Variants in SNX19 observed in about 807,000 individuals in gnomAD.
SNX19 encodes the protein sorting nexin 19, also known as sorting nexin-19.
SNX19 carries 60 observed loss-of-function variants against 85.2 expected under a neutral mutation model. The observed-to-expected ratio is 0.70, with a 90% confidence interval of 0.57 to 0.87. The LOEUF (loss-of-function observed/expected upper bound fraction) is 0.87, where lower values mean the gene tolerates loss of function less well. SNX19 is among the 40% of genes least tolerant of loss of function. The pLI, the probability that SNX19 is intolerant of heterozygous loss-of-function variation, is 0.00. For synonymous variants in SNX19, 520 were observed against 470.0 expected (o/e 1.11, Z -1.38); for missense variants, 1,201 against 1,217.8 (o/e 0.99, Z 0.21).
chr11:130,905,351 G>A (rs567788527), intron 7 of SNX19, among the ~76,000 whole-genome samples: 2 of 89,892 alleles, frequency 2.2e-5, no homozygotes, highest in African/African-American at 7.1e-5. Flanking sequence ...TAGATCTGGG[G>A]AAAAAAGACA....
rs1475264749 is a variant in SNX19 at position 130,870,072 on chromosome 11, C to T, written c.*8350G>A. 6 of 152,094 alleles carry T rather than the reference C, an allele frequency of 3.9e-5. No homozygotes were observed. The highest frequency in any genetic ancestry group is 7.4e-5 in the Non-Finnish European group (5 of 68,020). The allele number at this position is 152,094 out of a possible 1,614,324, so 9.4% of individuals were successfully genotyped here. A position where few individuals can be genotyped will look rare whatever the true frequency, so the allele number is the denominator to read the frequency against. ...ATAGAGAAGCAATTGGGTGAGGCTC[C>T]CTGCTAGATGAAGAAAACTTCTATC... On this transcript the variant is annotated 3_prime_UTR_variant, in exon 11 of 11. Transcript: ENST00000265909.
Position 130,870,443 on chromosome 11 carries a change from T to C in SNX19, c.*7979A>G, listed in dbSNP as rs1942977052. Reference sequence around the variant, plus strand: ...AGCCTCTGATGAAACATTTGAGTAATGGATTTCTTTACCTCACCTAAACAG... The same window carrying C: ...AGCCTCTGATGAAACATTTGAGTAACGGATTTCTTTACCTCACCTAAACAG... On this transcript the variant is annotated 3_prime_UTR_variant, in exon 11 of 11. Transcript: ENST00000265909. 1.3e-5 allele frequency among the ~76,000 whole-genome samples: 2 copies of C among 152,344 alleles called. No homozygotes were observed. The highest frequency in any genetic ancestry group is 4.1e-4 in the South Asian group (2 of 4,826).
At chr11:130,880,830 C>T (rs753479372) in intron 8 of SNX19, 24 bp from the exon 9 acceptor site, 1 of 1,522,380 alleles carries the variant, frequency 6.6e-7, no homozygotes, top group Non-Finnish European at 8.9e-7. Flanking sequence ...GAGACGAAAG[C>T]TTAGATAAAG....
In SNX19 at chr11:130,867,460, A is replaced by G. The variant is rs1277261598; in HGVS notation, c.*10962T>C. On this transcript the variant is annotated 3_prime_UTR_variant, in exon 11 of 11. Coordinates refer to ENST00000265909, the MANE Select transcript of SNX19 (RefSeq NM_014758.3). The stretch of plus-strand genomic sequence containing the variant: ...TGAGCAGGCTCTTGGACTCCATGAA[A>G]ATTTAAGGATGTGGCTTCTTTTTCA... 6.6e-6 allele frequency: 1 copy of G among 152,198 alleles called. No individual in the cohort carries two copies. Among genetic ancestry groups the G allele is most frequent in the Non-Finnish European group, 1.5e-5 (1 of 68,038 alleles). 9.4% of individuals were successfully genotyped at this position (152,198 alleles called of 1,614,324 possible). A position where few individuals can be genotyped will look rare whatever the true frequency, so the allele number is the denominator to read the frequency against.
chr11:130,874,430 G>A lies in SNX19; in HGVS notation c.*3992C>T, dbSNP rs2135256632. On this transcript the variant is annotated 3_prime_UTR_variant, in exon 11 of 11. Transcript: ENST00000265909. ...TATGAATGTTATCTCTGGGTGTGATGCCTGAAACTGCAGCAGCAGGAAGGC... is the reference window on the plus strand; with the variant it reads ...TATGAATGTTATCTCTGGGTGTGATACCTGAAACTGCAGCAGCAGGAAGGC... Among the ~76,000 whole-genome samples the A allele has an allele frequency of 6.6e-6, 1 of 152,318 alleles. No individual in the cohort carries two copies. The highest frequency in any genetic ancestry group is 1.9e-4 in the East Asian group (1 of 5,192).
At chr11:130,891,545 A>G (rs1420106325) in intron 8 of SNX19, among the ~76,000 whole-genome samples, 1 of 152,220 alleles carries the variant, frequency 6.6e-6, no homozygotes, top group Non-Finnish European at 1.5e-5. Flanking sequence ...GGGGGTTATG[A>G]GGACTATGAG....
chr11:130,903,186 T>C (rs1316747566), intron 8 of SNX19, 69 bp downstream of exon 8: 2 of 1,597,672 alleles, frequency 1.3e-6, no homozygotes, highest in African/African-American at 2.7e-5. Flanking sequence ...CCCTGGACAC[T>C]ATTCAGCATC....
intron 4 of SNX19, among the ~76,000 whole-genome samples, chr11:130,909,736 C>T (rs1234307431): frequency 6.6e-6 from 1 of 152,164 alleles, no homozygotes; most frequent in Admixed American, 6.5e-5. Flanking sequence ...CACATGCCTC[C>T]AACAGTACAA....
intron 8 of SNX19, 182 bp from the exon 9 acceptor site, chr11:130,880,988 C>A: frequency 2.4e-6 from 1 of 424,746 alleles, no homozygotes; most frequent in Non-Finnish European, 4.2e-6. Flanking sequence ...AGGTAAATGC[C>A]CTTATAAAAG....
intron 8 of SNX19, among the ~76,000 whole-genome samples, chr11:130,902,136 G>A (rs1945300248): frequency 1.3e-5 from 2 of 152,194 alleles, no homozygotes; most frequent in South Asian, 2.1e-4. Context: ...TACTAATGAC[G>A]ACCTTGGGCA....
intron 8 of SNX19, chr11:130,901,694 A>T (rs1430241454): frequency 1.3e-5 from 2 of 152,210 alleles, no homozygotes; most frequent in Non-Finnish European, 2.9e-5. Flanking sequence ...TATTTTAAAC[A>T]GAGTGGAGCC....
At chr11:130,893,559 A>C (rs10894277) in intron 8 of SNX19, among the ~76,000 whole-genome samples, 90,873 of 151,828 alleles carry the variant, frequency 0.6, 27,616 homozygotes, top group South Asian at 0.73. Flanking sequence ...ACAGGCTGAA[A>C]TGTAAAACCT....
At position 130,915,181 on chromosome 11, in the gene SNX19, C is replaced by G. The variant is rs1480255037; in HGVS notation, c.759G>C (p.Arg253Ser). The change falls in exon 1 of 11, where the codon AGG becomes AGC. Residue 253 changes from arginine to serine, a missense_variant. Physicochemically the swap from Arg to Ser is moderately radical, Grantham distance 110. Coordinates refer to ENST00000265909, the MANE Select transcript of SNX19 (RefSeq NM_014758.3). ...TCNVILPLIS[R>S]LSDPDWIHLV... is the part of the protein sequence containing the mutation. ...GGTGGATCCAGTCAGGATCTGACAG[C>G]CTGCTGATCAGTGGTAAGATTACAT... 6.2e-7 allele frequency: 1 copy of G among 1,614,210 alleles called. No individual in the cohort carries two copies. The highest frequency in any genetic ancestry group is 8.5e-7 in the Non-Finnish European group (1 of 1,180,038).
At position 130,915,634 on chromosome 11, in the gene SNX19, G is replaced by C; in HGVS notation, c.306C>G (p.Ile102Met). The C allele has an allele frequency of 1.2e-6, 2 of 1,614,246 alleles. No individual in the cohort carries two copies. Among genetic ancestry groups the C allele is most frequent in the Non-Finnish European group, 1.7e-6 (2 of 1,180,040 alleles). ...GAATAATCATCTGGATGGTGCGGTTGATCTCCCGTTCCAGCTGCCTTTCTG... is the reference window on the plus strand; with the variant it reads ...GAATAATCATCTGGATGGTGCGGTTCATCTCCCGTTCCAGCTGCCTTTCTG... ...PEAERQLERE[I>M]NRTIQMIIRD... The change falls in exon 1 of 11, where the codon ATC becomes ATG. Residue 102 changes from isoleucine (I) to methionine (M), a missense_variant. This residue lies in a region of SNX19 where 791 missense variants were observed against 750.9 expected (regional missense o/e 1.05). Transcript: ENST00000265909.
intron 8 of SNX19, 128 bp downstream of exon 8, chr11:130,903,127 C>T: frequency 7.5e-7 from 1 of 1,335,796 alleles, no homozygotes; most frequent in Admixed American, 2.1e-5. Flanking sequence ...ATTTTTCATC[C>T]CTGTAACCCC....
chr11:130,887,783 G>A (rs1490077947), intron 8 of SNX19, among the ~76,000 whole-genome samples: 3 of 152,004 alleles, frequency 2.0e-5, no homozygotes, highest in Admixed American at 6.6e-5. Context: ...CCATACATCC[G>A]TGATTTTGCC....
At chr11:130,894,537 T>C (rs750688225) in intron 8 of SNX19, among the ~76,000 whole-genome samples, 3 of 152,164 alleles carry the variant, frequency 2.0e-5, no homozygotes, top group Non-Finnish European at 2.9e-5. Flanking sequence ...AGGGGACCTA[T>C]AACTGCAAAA....
intron 5 of SNX19, among the ~76,000 whole-genome samples, chr11:130,907,697 C>G (rs1162545857): frequency 6.6e-6 from 1 of 152,192 alleles, no homozygotes; most frequent in Admixed American, 6.5e-5. Flanking sequence ...AATATTCTTC[C>G]TAGTCAAACA....
intron 8 of SNX19, among the ~76,000 whole-genome samples, chr11:130,887,104 A>G (rs1944137315): frequency 6.6e-6 from 1 of 152,242 alleles, no homozygotes; most frequent in South Asian, 2.1e-4. Flanking sequence ...TCTTTGAATC[A>G]TGTACTTCAA....
Sources: allele counts gnomAD v4.1 joint callset (sites outside exome capture counted in the v4.1 genomes callset), GRCh38; gene constraint gnomAD v4.1.1; regional missense constraint gnomAD v4.1.1; transcripts MANE v1.5; gene names NCBI Gene and HGNC (gene_info 2026-07-23, HGNC 2026-07-21).